CTNNA3: variants seen among roughly 807,000 people sequenced by gnomAD.
CTNNA3 encodes the protein catenin alpha 3, also known as catenin alpha-3.
A neutral mutation model predicts 95.7 loss-of-function variants in CTNNA3; 76 were observed. The ratio of observed to expected loss-of-function variants is 0.79; its 90% confidence interval spans 0.66 to 0.96. The LOEUF (loss-of-function observed/expected upper bound fraction) is 0.96, where lower values mean the gene tolerates loss of function less well. Among genes scored for constraint, CTNNA3 ranks in the 40% least tolerant of loss-of-function variants. CTNNA3 has a pLI of 0.00. For synonymous variants in CTNNA3, 431 were observed against 374.4 expected, an observed-to-expected ratio of 1.15 and a Z score of -1.74; for missense variants, 1,191 against 1,089.8, an observed-to-expected ratio of 1.09 and a Z score of -1.31.
chr10:67,248,996 A>G (rs1328642201), intron 5 of CTNNA3, among the ~76,000 whole-genome samples: 1 of 152,202 alleles, frequency 6.6e-6, no homozygotes, highest in Non-Finnish European at 1.5e-5. Context: ...AACACTTAGA[A>G]GAAAACATAG....
chr10:66,026,988 A>G (rs532826599), intron 15 of CTNNA3, among the ~76,000 whole-genome samples: 246 of 152,260 alleles, frequency 1.6e-3, no homozygotes, highest in African/African-American at 3.4e-3. Flanking sequence ...AAACACTGAA[A>G]TAAGTCAAAT....
At chr10:67,333,859 T>C (rs1300627973) in intron 5 of CTNNA3, among the ~76,000 whole-genome samples, 17 of 152,116 alleles carry the variant, frequency 1.1e-4, no homozygotes, top group Non-Finnish European at 2.5e-4. Context: ...CAACTGATAA[T>C]GGCTGGCTGA....
At chr10:67,712,605 C>T (rs368205629) in intron 1 of CTNNA3, among the ~76,000 whole-genome samples, 103 of 152,334 alleles carry the variant, frequency 6.8e-4, no homozygotes, top group African/African-American at 2.4e-3. Context: ...GCCTTGGCAG[C>T]TTCCACATGG....
Position 65,918,877 on chromosome 10 carries a change from C to T in CTNNA3, c.*1453G>A, listed in dbSNP as rs150075159. 6.6e-6 allele frequency: 1 copy of T among 152,108 alleles called. No individual in the cohort carries two copies. The highest frequency in any genetic ancestry group is 6.6e-5 in the Admixed American group (1 of 15,264). 9.4% of individuals were successfully genotyped at this position (152,108 alleles called of 1,614,324 possible). A position where few individuals can be genotyped will look rare whatever the true frequency, so the allele number is the denominator to read the frequency against. ...TCTATGTTTCATGCATCCTTTTACC[C>T]AAACTGGTTCTCCTAATATCAACTG... On this transcript the variant is annotated 3_prime_UTR_variant, in exon 18 of 18. Coordinates refer to ENST00000433211, the MANE Select transcript of CTNNA3 (RefSeq NM_013266.4).
intron 10 of CTNNA3, among the ~76,000 whole-genome samples, chr10:66,615,535 T>A (rs1844480732): frequency 6.6e-6 from 1 of 151,934 alleles, no homozygotes. Flanking sequence ...AGTAAAAAAA[T>A]ATTTTTTATT....
At chr10:66,112,237 G>A (rs1463981365) in intron 13 of CTNNA3, among the ~76,000 whole-genome samples, 4 of 152,120 alleles carry the variant, frequency 2.6e-5, no homozygotes. Flanking sequence ...TATAACCCAA[G>A]TGTCTAACGG....
intron 7 of CTNNA3, among the ~76,000 whole-genome samples, chr10:66,912,601 G>GAAATAGGA (rs1846268109): frequency 1.3e-5 from 2 of 152,068 alleles, no homozygotes; most frequent in Admixed American, 1.3e-4. Flanking sequence ...ACAACACCAG[G>GAAATAGGA]AAGAGTCATC....
At chr10:67,697,339 T>C (rs1840985415), upstream of CTNNA3, among the ~76,000 whole-genome samples, 1 of 152,216 alleles carries the variant, frequency 6.6e-6, no homozygotes, top group Non-Finnish European at 1.5e-5. Context: ...TGTCTCTCAA[T>C]CCATCTTTTC....
At chr10:66,830,862 G>A (rs1375200459) in intron 7 of CTNNA3, among the ~76,000 whole-genome samples, 1 of 152,108 alleles carries the variant, frequency 6.6e-6, no homozygotes, top group African/African-American at 2.4e-5. Flanking sequence ...GCCTGCCTCG[G>A]CCTCCCAAAG....
intron 12 of CTNNA3, among the ~76,000 whole-genome samples, chr10:66,312,623 C>T (rs979582634): frequency 2.0e-5 from 3 of 151,782 alleles, no homozygotes; most frequent in South Asian, 2.1e-4. Context: ...ATCAACTTAC[C>T]GCAATCTCCA....
chr10:66,167,432 G>C (rs1356988398), intron 13 of CTNNA3, among the ~76,000 whole-genome samples: 1 of 152,118 alleles, frequency 6.6e-6, no homozygotes, highest in South Asian at 2.1e-4. Flanking sequence ...GATCACTGGG[G>C]CTTAATAGAC....
intron 17 of CTNNA3, among the ~76,000 whole-genome samples, chr10:65,927,944 C>T (rs2077192126): frequency 6.6e-6 from 1 of 152,090 alleles, no homozygotes; most frequent in Admixed American, 6.5e-5. Context: ...ATTCTGCATC[C>T]TCAGTCACAC....
chr10:66,542,985 A>G (rs1175972525), intron 10 of CTNNA3, among the ~76,000 whole-genome samples: 1 of 152,180 alleles, frequency 6.6e-6, no homozygotes, highest in African/African-American at 2.4e-5. Flanking sequence ...GAAATAACTA[A>G]GGTAAACATT....
intron 10 of CTNNA3, among the ~76,000 whole-genome samples, chr10:66,578,899 CA>C (rs1843093389): frequency 6.7e-6 from 1 of 149,540 alleles, no homozygotes; most frequent in East Asian, 2.0e-4. Context: ...GGAATAATTT[CA>C]GTAGGATTAG....
intron 7 of CTNNA3, among the ~76,000 whole-genome samples, chr10:66,817,867 T>C (rs976623405): frequency 2.6e-5 from 4 of 151,942 alleles, no homozygotes; most frequent in African/African-American, 9.7e-5. Flanking sequence ...AAACATCCTT[T>C]AAAATATAAG....
chr10:67,434,983 C>T (rs778976720), intron 5 of CTNNA3, among the ~76,000 whole-genome samples: 2 of 151,896 alleles, frequency 1.3e-5, no homozygotes, highest in African/African-American at 2.4e-5. Context: ...AGGTAGCCTC[C>T]GAAGCAGTGT....
intron 11 of CTNNA3, among the ~76,000 whole-genome samples, chr10:66,431,795 T>C (rs2093298745): frequency 6.6e-6 from 1 of 150,878 alleles, no homozygotes; most frequent in Non-Finnish European, 1.5e-5. Flanking sequence ...ACACCTAATG[T>C]TAAATGACCA....
rs78683462 is a variant in CTNNA3 at position 67,553,319 on chromosome 10, G to A, written c.293-13650C>T. ...TACAAAATTTAATTCATTTTACCTA[G>A]GTTTATACATACTAACTGGTACTTT... On this transcript the variant is annotated intron_variant, in intron 3 of 17. Transcript: ENST00000433211. Among the ~76,000 whole-genome samples the A allele has an allele frequency of 7.8e-3, 1,180 of 151,884 alleles. 14 individuals are homozygous for A. Among genetic ancestry groups the A allele is most frequent in the African/African-American group, 0.027 (1,120 of 41,410 alleles).
intron 5 of CTNNA3, among the ~76,000 whole-genome samples, chr10:67,379,912 T>G (rs1843861981): frequency 6.7e-6 from 1 of 149,596 alleles, no homozygotes; most frequent in South Asian, 2.1e-4. Context: ...TCCCAGCTAC[T>G]TGGGAGGCTG....
Sources: gnomAD v4.1 joint callset for allele counts (sites outside exome capture counted in the v4.1 genomes callset) on GRCh38, gnomAD v4.1.1 for gene constraint, MANE v1.5 for transcripts, NCBI Gene and HGNC (gene_info 2026-07-23, HGNC 2026-07-21) for gene names.